The following NRXN3 variants were observed in gnomAD, a reference collection of about 807,000 sequenced individuals.
The protein encoded by NRXN3 is neurexin III.
Under a neutral mutation model 137.6 loss-of-function variants are expected in NRXN3, and 32 were observed. The ratio of observed to expected loss-of-function variants is 0.23; its 90% CI spans 0.18 to 0.31. NRXN3 has a LOEUF of 0.31. Ranked by LOEUF, NRXN3 falls within the 10% of genes least tolerant of loss-of-function variation. NRXN3 has a pLI of 1.00. For missense variants in NRXN3, 1,574 were observed against 2,062.5 expected (o/e 0.76, Z 4.59); for synonymous variants, 798 against 784.5 (o/e 1.02, Z -0.29).
chr14:78,413,280 C>T (rs1158501163), intron 4 of NRXN3, among the ~76,000 whole-genome samples: 2 of 152,106 alleles, frequency 1.3e-5, no homozygotes, highest in Non-Finnish European at 1.5e-5. Flanking sequence ...GGCAACAGGG[C>T]TAAGTTTGTT....
chr14:79,724,589 A>G (rs2098869401), intron 19 of NRXN3, among the ~76,000 whole-genome samples: 1 of 152,182 alleles, frequency 6.6e-6, no homozygotes. Context: ...TGAACTCTGG[A>G]ATATATAAAT....
intron 16 of NRXN3, among the ~76,000 whole-genome samples, chr14:79,585,360 A>G (rs1432363344): frequency 6.6e-6 from 1 of 152,210 alleles, no homozygotes; most frequent in Non-Finnish European, 1.5e-5. Flanking sequence ...ATAGAGGCAT[A>G]GCCTGAGAAG....
chr14:78,186,304 G>A (rs968841023), intron 1 of NRXN3, among the ~76,000 whole-genome samples: 2 of 152,226 alleles, frequency 1.3e-5, no homozygotes, highest in African/African-American at 4.8e-5. Flanking sequence ...GGATCCTGAG[G>A]GTTGGTGCTT....
chr14:79,636,507 C>T (rs1243158311), intron 16 of NRXN3, among the ~76,000 whole-genome samples: 1 of 152,162 alleles, frequency 6.6e-6, no homozygotes, highest in African/African-American at 2.4e-5. Context: ...AGGTTGGCCT[C>T]TGATGAAATG....
chr14:79,252,740 G>C (rs1466907506), intron 15 of NRXN3, among the ~76,000 whole-genome samples: 1 of 152,216 alleles, frequency 6.6e-6, no homozygotes, highest in Admixed American at 6.5e-5. Flanking sequence ...CAACAGAGGA[G>C]TGAGGGCTGG....
chr14:79,574,869 A>G (rs2097649926), intron 16 of NRXN3, among the ~76,000 whole-genome samples: 1 of 152,184 alleles, frequency 6.6e-6, no homozygotes, highest in Non-Finnish European at 1.5e-5. Context: ...ATTAGATAAC[A>G]TACCCAAGAA....
At chr14:79,325,517 A>C (rs947503290) in intron 15 of NRXN3, among the ~76,000 whole-genome samples, 1 of 152,232 alleles carries the variant, frequency 6.6e-6, no homozygotes, top group Non-Finnish European at 1.5e-5. Flanking sequence ...GTATAAACAG[A>C]AAAGTAAAGA....
chr14:79,860,937 C>G, intron 20 of NRXN3: 1 of 729,730 alleles, frequency 1.4e-6, no homozygotes. Context: ...AGATCCAGAT[C>G]TTTTTATTAT....
intron 16 of NRXN3, among the ~76,000 whole-genome samples, chr14:79,472,371 A>T (rs2096520907): frequency 6.6e-6 from 1 of 152,230 alleles, no homozygotes; most frequent in Non-Finnish European, 1.5e-5. Flanking sequence ...GCCTTTGGTC[A>T]TTTTAAAAAA....
At chr14:78,767,032 A>T (rs1165447720) in intron 8 of NRXN3, among the ~76,000 whole-genome samples, 1 of 152,176 alleles carries the variant, frequency 6.6e-6, no homozygotes, top group Non-Finnish European at 1.5e-5. Context: ...AGCTGCTTAA[A>T]ACAACACACA....
intron 5 of NRXN3, among the ~76,000 whole-genome samples, chr14:78,646,102 A>G (rs1056463189): frequency 2.6e-5 from 4 of 152,036 alleles, no homozygotes; most frequent in African/African-American, 4.8e-5. Flanking sequence ...CCAAATAAAA[A>G]AGTCAACTTT....
chr14:78,413,442 C>T (rs567206726), intron 4 of NRXN3, among the ~76,000 whole-genome samples: 20 of 152,294 alleles, frequency 1.3e-4, no homozygotes, highest in African/African-American at 4.1e-4. Flanking sequence ...TGTGCCACCA[C>T]GCCCGGCTAA....
intron 15 of NRXN3, among the ~76,000 whole-genome samples, chr14:79,147,794 A>G (rs2059433654): frequency 6.6e-6 from 1 of 152,118 alleles, no homozygotes; most frequent in Admixed American, 6.6e-5. Flanking sequence ...TGCCACCTTT[A>G]CTATAAGAAT....
chr14:79,097,310 C>T (rs2050527618), intron 15 of NRXN3, among the ~76,000 whole-genome samples: 1 of 152,118 alleles, frequency 6.6e-6, no homozygotes, highest in Non-Finnish European at 1.5e-5. Flanking sequence ...TACTGTAACC[C>T]TAGGAGTTTG....
intron 16 of NRXN3, among the ~76,000 whole-genome samples, chr14:79,531,685 A>T (rs1395946109): frequency 6.6e-6 from 1 of 152,198 alleles, no homozygotes. Flanking sequence ...CAATAAAACC[A>T]CTAAGGATGC....
At chr14:79,140,035 G>T (rs12433926) in intron 15 of NRXN3, among the ~76,000 whole-genome samples, 4,353 of 151,578 alleles carry the variant, frequency 0.029, 111 homozygotes, top group East Asian at 0.066. Context: ...AAATTATTTT[G>T]TTCATTTGGA....
At chr14:78,651,624 A>G (rs564919193) in intron 6 of NRXN3, among the ~76,000 whole-genome samples, 1 of 152,224 alleles carries the variant, frequency 6.6e-6, no homozygotes, top group Non-Finnish European at 1.5e-5. Flanking sequence ...ACAGTTCCAC[A>G]TATCTGGGGA....
chr14:79,544,526 T>C (rs1025978293), intron 16 of NRXN3, among the ~76,000 whole-genome samples: 3 of 152,126 alleles, frequency 2.0e-5, no homozygotes, highest in African/African-American at 7.2e-5. Context: ...TTGGATGAGA[T>C]TGGACATCAA....
At chr14:78,855,115 G>C (rs2099053319) in intron 10 of NRXN3, among the ~76,000 whole-genome samples, 1 of 150,988 alleles carries the variant, frequency 6.6e-6, no homozygotes, top group South Asian at 2.1e-4. Context: ...AGTGATCCGA[G>C]ATCACGCTGC....
Sources: allele counts gnomAD v4.1 joint callset (sites outside exome capture counted in the v4.1 genomes callset), GRCh38; gene constraint gnomAD v4.1.1; transcripts MANE v1.5; gene names NCBI Gene and HGNC (gene_info 2026-07-23, HGNC 2026-07-21).